TAS2R1: variants seen among roughly 807,000 people sequenced by gnomAD.
TAS2R1 encodes taste 2 receptor member 1.
For synonymous variants in TAS2R1, 141 were observed against 134.2 expected (o/e 1.05, Z -0.35); for missense variants, 370 against 353.4 (o/e 1.05, Z -0.38).
rs139384762 is a variant in TAS2R1, at chr5:9,678,030, T to A, written c.-241-18449A>T. 5.6e-3 allele frequency among the ~76,000 whole-genome samples: 850 copies of A among 152,160 alleles called. 10 individuals carry two copies. Among genetic ancestry groups the A allele is most frequent in the African/African-American group, 0.019 (800 of 41,496 alleles). On this transcript the variant is annotated intron_variant, in intron 1 of 2. Transcript: ENST00000506620. ...TGCAGTGCAAAATTTTTGGAATCTA[T>A]CCATCTGACAAAAGTCTAATATACA...
At chr5:9,697,170 T>A (rs944056091) in intron 1 of TAS2R1, among the ~76,000 whole-genome samples, 19 of 152,020 alleles carry the variant, frequency 1.2e-4, no homozygotes, top group African/African-American at 3.9e-4. Context: ...AAAGACACCT[T>A]TTTTGTTTAA....
At chr5:9,772,892 AT>A in the TAS2R1 span, among the ~76,000 whole-genome samples, 2 of 151,968 alleles carry the variant, frequency 1.3e-5, no homozygotes, top group African/African-American at 4.8e-5. Context: ...TTCTTTATAG[AT>A]GAAGTGTTTT....
At chr5:9,836,473 C>T in the TAS2R1 span, among the ~76,000 whole-genome samples, 1 of 151,266 alleles carries the variant, frequency 6.6e-6, no homozygotes, top group South Asian at 2.1e-4. Flanking sequence ...TCACAAGATG[C>T]CAGCAGCATC....
At chr5:9,840,892 T>TGAGA in the TAS2R1 span, among the ~76,000 whole-genome samples, 1 of 88,844 alleles carries the variant, frequency 1.1e-5, no homozygotes, top group Non-Finnish European at 2.4e-5. Context: ...TTTTTTTTTT[T>TGAGA]TGAGATGGAG....
the TAS2R1 span, among the ~76,000 whole-genome samples, chr5:9,800,614 G>A: frequency 6.6e-6 from 1 of 152,222 alleles, no homozygotes; most frequent in Non-Finnish European, 1.5e-5. Context: ...TGTATAGAGT[G>A]AAGGGAGGAA....
chr5:9,646,088 T>C (rs1740181018), intron 2 of TAS2R1, among the ~76,000 whole-genome samples: 1 of 152,168 alleles, frequency 6.6e-6, no homozygotes, highest in Admixed American at 6.5e-5. Context: ...TTTAGTGAAG[T>C]AACTAGGGCC....
chr5:9,781,054 G>A, the TAS2R1 span, among the ~76,000 whole-genome samples: 8 of 152,202 alleles, frequency 5.3e-5, no homozygotes, highest in Non-Finnish European at 4.4e-5. Context: ...ATTTTATGTA[G>A]GATATATATC....
At chr5:9,836,559 C>T in the TAS2R1 span, among the ~76,000 whole-genome samples, 2 of 152,214 alleles carry the variant, frequency 1.3e-5, no homozygotes, top group African/African-American at 4.8e-5. Flanking sequence ...GGAGGAAAAT[C>T]GCCCCAGGCA....
the TAS2R1 span, among the ~76,000 whole-genome samples, chr5:9,764,366 A>G: frequency 6.6e-6 from 1 of 152,236 alleles, no homozygotes; most frequent in Non-Finnish European, 1.5e-5. Flanking sequence ...CACTTTTAAG[A>G]TTGAATTACC....
chr5:9,769,592 G>T, the TAS2R1 span, among the ~76,000 whole-genome samples: 3 of 152,022 alleles, frequency 2.0e-5, no homozygotes, highest in Non-Finnish European at 4.4e-5. Context: ...CTGTCTTTTG[G>T]ATATAAGCCA....
At chr5:9,809,163 C>G in the TAS2R1 span, among the ~76,000 whole-genome samples, 2 of 152,176 alleles carry the variant, frequency 1.3e-5, no homozygotes, top group Non-Finnish European at 2.9e-5. Context: ...CATGACGAAG[C>G]ATACCTCAAG....
At chr5:9,844,984 T>C in the TAS2R1 span, among the ~76,000 whole-genome samples, 1 of 152,214 alleles carries the variant, frequency 6.6e-6, no homozygotes, top group African/African-American at 2.4e-5. Context: ...CTCTGTGACC[T>C]GGACCAAACT....
the TAS2R1 span, among the ~76,000 whole-genome samples, chr5:9,781,163 A>G: frequency 6.6e-6 from 1 of 152,224 alleles, no homozygotes; most frequent in Non-Finnish European, 1.5e-5. Context: ...TTGTGTATCC[A>G]CTTGCTTACT....
At chr5:9,698,907 T>G in intron 1 of TAS2R1, among the ~76,000 whole-genome samples, 1 of 152,194 alleles carries the variant, frequency 6.6e-6, no homozygotes, top group East Asian at 1.9e-4. Flanking sequence ...TTTCCCAATA[T>G]TTTATACAGC....
At position 9,629,069 on chromosome 5, in the gene TAS2R1, G is replaced by A; in HGVS notation, c.*64C>T. 4 of 1,468,518 alleles carry A rather than the reference G, an allele frequency of 2.7e-6. No homozygotes were observed. The highest frequency in any genetic ancestry group is 3.6e-6 in the Non-Finnish European group (4 of 1,102,656). 91.0% of individuals were successfully genotyped at this position (1,468,518 alleles called of 1,614,324 possible). A position where few individuals can be genotyped will look rare whatever the true frequency, so the allele number is the denominator to read the frequency against. On this transcript the variant is annotated 3_prime_UTR_variant, in exon 1 of 1. Coordinates refer to ENST00000382492, the MANE Select transcript of TAS2R1 (RefSeq NM_019599.3). ...AACAGGCTGCTTTGTCTGGCTGAGGGAAGTGTGGCAGGCATGGGTAAATCA... is the reference window on the plus strand; with the variant it reads ...AACAGGCTGCTTTGTCTGGCTGAGGAAAGTGTGGCAGGCATGGGTAAATCA...
intron 1 of TAS2R1, among the ~76,000 whole-genome samples, chr5:9,680,622 C>T (rs1740974848): frequency 2.0e-5 from 3 of 152,114 alleles, no homozygotes; most frequent in Non-Finnish European, 4.4e-5. Context: ...AAAAAATCAT[C>T]AAAAAATTCC....
At chr5:9,881,237 G>A in the TAS2R1 span, among the ~76,000 whole-genome samples, 1 of 151,932 alleles carries the variant, frequency 6.6e-6, no homozygotes, top group East Asian at 2.0e-4. Flanking sequence ...AATCATGAAT[G>A]AACTCCCATT....
intron 1 of TAS2R1, among the ~76,000 whole-genome samples, chr5:9,675,789 G>A (rs956173535): frequency 5.3e-5 from 8 of 152,028 alleles, no homozygotes; most frequent in African/African-American, 1.4e-4. Flanking sequence ...ATAAGATCAC[G>A]CCATCTGCAA....
the TAS2R1 span, among the ~76,000 whole-genome samples, chr5:9,830,339 G>A: frequency 6.6e-6 from 1 of 152,092 alleles, no homozygotes; most frequent in Non-Finnish European, 1.5e-5. Flanking sequence ...GTAGATAGTT[G>A]ACAGACACAG....
Sources: allele counts gnomAD v4.1 joint callset (sites outside exome capture counted in the v4.1 genomes callset), GRCh38; gene constraint gnomAD v4.1.1; transcripts MANE v1.5; gene names NCBI Gene and HGNC (gene_info 2026-07-23, HGNC 2026-07-21).